Variants in CCSER1 observed in about 807,000 individuals in gnomAD.
CCSER1 encodes serine-rich coiled-coil domain-containing protein 1.
Under a neutral mutation model 82.0 loss-of-function variants are expected in CCSER1, and 41 were observed. The observed-to-expected ratio is 0.50, with a 90% CI of 0.39 to 0.65. The LOEUF (loss-of-function observed/expected upper bound fraction) is 0.65, where lower values mean the gene tolerates loss of function less well. CCSER1 is among the 30% of genes least tolerant of loss of function. The probability of loss-of-function intolerance (pLI) is 0.00; values close to 1 mark genes in which losing one functional copy is unlikely to be tolerated. For missense variants in CCSER1, 1,119 were observed against 1,064.2 expected (o/e 1.05, Z -0.72); for synonymous variants, 414 against 383.9 (o/e 1.08, Z -0.92).
At chr4:90,243,854 T>C (rs1254311443) in intron 1 of CCSER1, among the ~76,000 whole-genome samples, 1 of 152,144 alleles carries the variant, frequency 6.6e-6, no homozygotes, top group Non-Finnish European at 1.5e-5. Context: ...CCTTTTTTTT[T>C]TTCGCTGTTG....
rs1289402235 is a variant in CCSER1 at position 90,271,844 on chromosome 4, ATATATATATATATATATATTT to A, written c.-41-36398_-41-36378del. Among the ~76,000 whole-genome samples, 47 of 22,392 alleles carry A rather than the reference ATATATATATATATATATATTT, an allele frequency of 2.1e-3. 3 individuals carry two copies. The highest frequency in any genetic ancestry group is 0.011 in the African/African-American group (34 of 3,080). The allele number at this position is 22,392 out of a possible 152,430, so 14.7% of individuals were successfully genotyped here. ...GGACAATTTATATATATATATATATATATATATATATATATATATTTTTTTTTTTTTTTTTTTTTTTTTTTT... is the reference window on the plus strand; with the variant it reads ...GGACAATTTATATATATATATATATATTTTTTTTTTTTTTTTTTTTTTTTT... On this transcript the variant is annotated intron_variant, in intron 1 of 10. Transcript: ENST00000509176.
At chr4:90,640,492 T>G (rs1726296215) in intron 6 of CCSER1, among the ~76,000 whole-genome samples, 2 of 152,188 alleles carry the variant, frequency 1.3e-5, no homozygotes, top group African/African-American at 4.8e-5. Context: ...TTATTTATAT[T>G]ACTTAATGTT....
At chr4:91,204,004 G>A (rs2009202706) in intron 10 of CCSER1, among the ~76,000 whole-genome samples, 1 of 151,834 alleles carries the variant, frequency 6.6e-6, no homozygotes, top group Non-Finnish European at 1.5e-5. Flanking sequence ...TATATAGTTA[G>A]TGACTCAGGA....
intron 10 of CCSER1, among the ~76,000 whole-genome samples, chr4:91,499,249 CT>C (rs1188288247): frequency 4.0e-5 from 6 of 151,868 alleles, no homozygotes; most frequent in African/African-American, 1.5e-4. Flanking sequence ...TTGTTTTCTT[CT>C]GATTACTATG....
intron 9 of CCSER1, among the ~76,000 whole-genome samples, chr4:91,070,087 C>A (rs150153410): frequency 2.0e-5 from 3 of 151,770 alleles, no homozygotes; most frequent in Non-Finnish European, 4.4e-5. Flanking sequence ...CGAGTTCATG[C>A]CATTCTCCTG....
intron 10 of CCSER1, among the ~76,000 whole-genome samples, chr4:91,437,420 C>CA (rs1277448546): frequency 6.6e-6 from 1 of 152,108 alleles, no homozygotes; most frequent in African/African-American, 2.4e-5. Context: ...AATTATAGAT[C>CA]AAACAGCTCT....
chr4:90,513,170 T>A (rs191328759), intron 5 of CCSER1, among the ~76,000 whole-genome samples: 1 of 152,304 alleles, frequency 6.6e-6, no homozygotes, highest in Admixed American at 6.5e-5. Flanking sequence ...TATGTTTTTC[T>A]TCCATCATGT....
chr4:90,373,433 A>G (rs897606150), intron 3 of CCSER1, among the ~76,000 whole-genome samples: 3 of 152,182 alleles, frequency 2.0e-5, no homozygotes, highest in African/African-American at 7.2e-5. Context: ...CAAACTTAAT[A>G]TGGTGCAATA....
chr4:90,352,160 T>C (rs1352236991), intron 3 of CCSER1, among the ~76,000 whole-genome samples: 1 of 151,774 alleles, frequency 6.6e-6, no homozygotes, highest in African/African-American at 2.4e-5. Flanking sequence ...CCGTCTGTAC[T>C]AAAAATACAA....
chr4:91,434,667 T>G (rs1176525908), intron 10 of CCSER1, among the ~76,000 whole-genome samples: 1 of 152,214 alleles, frequency 6.6e-6, no homozygotes, highest in Non-Finnish European at 1.5e-5. Context: ...TTTTATCTAT[T>G]TTATCTCATA....
chr4:91,464,823 C>T lies in CCSER1; in HGVS notation c.2218-133749C>T, dbSNP rs561110300. On this transcript the variant is annotated intron_variant, in intron 10 of 10. Coordinates refer to ENST00000509176, the MANE Select transcript of CCSER1 (RefSeq NM_001145065.2). Reference sequence around the variant, plus strand: ...GAGCTAACTATCCTAAATATATATGCACCCAATACAGGAACACCCAGATTC... The same window carrying T: ...GAGCTAACTATCCTAAATATATATGTACCCAATACAGGAACACCCAGATTC... Among the ~76,000 whole-genome samples the T allele has an allele frequency of 2.1e-4, 32 of 152,272 alleles. No homozygotes were observed. The South Asian group carries it at 5.8e-3, about 28-fold the overall frequency.
At chr4:90,919,477 A>C (rs1728063092) in intron 8 of CCSER1, among the ~76,000 whole-genome samples, 3 of 151,930 alleles carry the variant, frequency 2.0e-5, no homozygotes, top group Admixed American at 2.0e-4. Flanking sequence ...ATAGATATAT[A>C]TTACTTGATA....
chr4:91,279,811 C>G (rs1235764657), intron 10 of CCSER1, among the ~76,000 whole-genome samples: 4 of 152,092 alleles, frequency 2.6e-5, no homozygotes, highest in Non-Finnish European at 4.4e-5. Context: ...TCTTTCCTTG[C>G]TTTTTCATGT....
chr4:91,194,710 A>T (rs536861609), intron 10 of CCSER1, among the ~76,000 whole-genome samples: 2 of 152,260 alleles, frequency 1.3e-5, no homozygotes, highest in African/African-American at 2.4e-5. Context: ...ACGCAGAAAG[A>T]GAGAGGTTGT....
intron 8 of CCSER1, among the ~76,000 whole-genome samples, chr4:90,862,584 C>G (rs2149992567): frequency 6.6e-6 from 1 of 152,002 alleles, no homozygotes; most frequent in South Asian, 2.1e-4. Context: ...ACAACTCTAT[C>G]ACTTAAGGAT....
At chr4:91,427,176 C>G (rs1481833746) in intron 10 of CCSER1, among the ~76,000 whole-genome samples, 1 of 152,102 alleles carries the variant, frequency 6.6e-6, no homozygotes, top group Non-Finnish European at 1.5e-5. Flanking sequence ...ATCACCACCA[C>G]CACATTTATT....
intron 10 of CCSER1, among the ~76,000 whole-genome samples, chr4:91,153,307 C>T (rs751554716): frequency 5.0e-4 from 76 of 152,012 alleles, no homozygotes; most frequent in Non-Finnish European, 8.4e-4. Context: ...CGAATCGGCT[C>T]TTGAAGCTTG....
chr4:91,378,672 A>T (rs1175277098), intron 10 of CCSER1, among the ~76,000 whole-genome samples: 1 of 152,112 alleles, frequency 6.6e-6, no homozygotes, highest in Non-Finnish European at 1.5e-5. Context: ...GGGTTTTCTA[A>T]ATATACAATC....
At chr4:91,070,187 A>G (rs1385099581) in intron 9 of CCSER1, among the ~76,000 whole-genome samples, 1 of 152,006 alleles carries the variant, frequency 6.6e-6, no homozygotes, top group African/African-American at 2.4e-5. Context: ...GGGTTTCACC[A>G]TGTTGACCAG....
Sources: gnomAD v4.1 joint callset for allele counts (sites outside exome capture counted in the v4.1 genomes callset) on GRCh38, gnomAD v4.1.1 for gene constraint, MANE v1.5 for transcripts, NCBI Gene and HGNC (gene_info 2026-07-23, HGNC 2026-07-21) for gene names.